The following DCHS2 variants were observed in gnomAD, a reference collection of about 807,000 sequenced individuals.
DCHS2 encodes the protein dachsous cadherin-related 2.
A neutral mutation model predicts 182.4 loss-of-function variants in DCHS2; 142 were observed. The observed-to-expected ratio is 0.78, with a 90% confidence interval of 0.68 to 0.89. The LOEUF (loss-of-function observed/expected upper bound fraction) is 0.89. Ranked by LOEUF, DCHS2 falls within the 40% of genes least tolerant of loss-of-function variation. The pLI is 0.00. For synonymous variants in DCHS2, 1,740 were observed against 1,663.3 expected, an observed-to-expected ratio of 1.05 and a Z score of -1.12; for missense variants, 4,319 against 4,198.6, an observed-to-expected ratio of 1.03 and a Z score of -0.79.
At chr4:154,331,507 A>G in intron 5 of DCHS2, 1 of 1,487,098 alleles carries the variant, frequency 6.7e-7, no homozygotes, top group South Asian at 1.3e-5. Flanking sequence ...AGTGAATGAG[A>G]GTGGAAAGGC....
At chr4:154,343,716 T>C in intron 3 of DCHS2, 1 of 1,315,378 alleles carries the variant, frequency 7.6e-7, no homozygotes, top group Middle Eastern at 2.1e-4. Flanking sequence ...GTGGCTGCTT[T>C]GATCTATCCA....
rs779768456 is a variant in DCHS2, at chr4:154,236,355, G to C, written c.8297C>G (p.Ala2766Gly). ...FVSVLDDNDH[A>G]PQFMFSSFSC... ...GAAGCTTGAGAACATAAACTGAGGT[G>C]CATGGTCGTTATCATCCAGGACACT... The change falls in exon 20 of 20, where the codon GCA becomes GGA. Residue 2766 changes from alanine to glycine, a missense_variant. Physicochemically the swap from Ala to Gly is moderately conservative, Grantham distance 60 (BLOSUM62 0). Transcript: ENST00000357232. 6.2e-7 allele frequency: 1 copy of C among 1,614,068 alleles called. No homozygotes were observed. Among genetic ancestry groups the C allele is most frequent in the Non-Finnish European group, 8.5e-7 (1 of 1,179,978 alleles).
chr4:154,250,755 G>A (rs1385809052), intron 16 of DCHS2, among the ~76,000 whole-genome samples: 1 of 152,102 alleles, frequency 6.6e-6, no homozygotes, highest in African/African-American at 2.4e-5. Flanking sequence ...TCAGCTTGTT[G>A]GCCTAAGCTA....
intron 1 of DCHS2, among the ~76,000 whole-genome samples, chr4:154,488,902 CTGTGTGTGTGTGTGTG>C (rs35075104): frequency 1.6e-5 from 1 of 62,254 alleles, no homozygotes; most frequent in African/African-American, 6.1e-5. Flanking sequence ...GTGTGTGTGT[CTGTGTGTGTGTGTGTG>C]TGTGTGTGTG....
At chr4:154,369,267 C>A (rs1371607599) in intron 2 of DCHS2, among the ~76,000 whole-genome samples, 1 of 152,152 alleles carries the variant, frequency 6.6e-6, no homozygotes, top group African/African-American at 2.4e-5. Context: ...GCTGAATTCA[C>A]CAAGTTAAGT....
At chr4:154,444,076 T>G (rs1167190950) in intron 1 of DCHS2, among the ~76,000 whole-genome samples, 1 of 152,144 alleles carries the variant, frequency 6.6e-6, no homozygotes, top group Non-Finnish European at 1.5e-5. Context: ...CCTTCTGTTT[T>G]GGGATGGACT....
chr4:154,391,460 G>C (rs1447827177), intron 1 of DCHS2, among the ~76,000 whole-genome samples: 1 of 152,162 alleles, frequency 6.6e-6, no homozygotes, highest in Non-Finnish European at 1.5e-5. Flanking sequence ...GAGAGTCACT[G>C]ATGCTGAGTT....
intron 1 of DCHS2, among the ~76,000 whole-genome samples, chr4:154,421,778 T>C (rs1348140649): frequency 6.6e-6 from 1 of 152,238 alleles, no homozygotes; most frequent in Non-Finnish European, 1.5e-5. Flanking sequence ...CCACAGCCTT[T>C]TCTCTCTCCA....
intron 18 of DCHS2, among the ~76,000 whole-genome samples, 154 bp from the exon 19 acceptor site, chr4:154,239,456 G>A (rs1472990469): frequency 6.6e-6 from 1 of 152,136 alleles, no homozygotes; most frequent in Non-Finnish European, 1.5e-5. Context: ...TATGGAATTG[G>A]CATATTAAAA....
intron 1 of DCHS2, among the ~76,000 whole-genome samples, chr4:154,410,915 G>A (rs1402472523): frequency 6.6e-6 from 1 of 152,162 alleles, no homozygotes; most frequent in Admixed American, 6.5e-5. Flanking sequence ...ATCCCCACTA[G>A]ACTACTAGTG....
At chr4:154,370,867 G>A (rs1730613279) in intron 2 of DCHS2, among the ~76,000 whole-genome samples, 1 of 152,194 alleles carries the variant, frequency 6.6e-6, no homozygotes, top group African/African-American at 2.4e-5. Context: ...AAACTAAAGG[G>A]AGTTTGCAAC....
chr4:154,401,327 T>A (rs1390272306), intron 1 of DCHS2, among the ~76,000 whole-genome samples: 1 of 152,184 alleles, frequency 6.6e-6, no homozygotes, highest in Non-Finnish European at 1.5e-5. Flanking sequence ...GAAGCTGCCA[T>A]GAATATTATC....
At chr4:154,455,385 A>T (rs1734720991) in intron 1 of DCHS2, among the ~76,000 whole-genome samples, 1 of 152,256 alleles carries the variant, frequency 6.6e-6, no homozygotes, top group African/African-American at 2.4e-5. Flanking sequence ...ATGGGAATGG[A>T]AAAATTAAAT....
intron 1 of DCHS2, among the ~76,000 whole-genome samples, chr4:154,464,767 G>A (rs1006270977): frequency 6.6e-6 from 1 of 152,180 alleles, no homozygotes; most frequent in Admixed American, 6.5e-5. Flanking sequence ...CCAGGCCACA[G>A]AGGTTGGTCT....
intron 3 of DCHS2, among the ~76,000 whole-genome samples, chr4:154,349,238 C>T (rs1222943332): frequency 1.3e-5 from 2 of 150,046 alleles, no homozygotes; most frequent in Non-Finnish European, 2.9e-5. Flanking sequence ...AGTCATTTCA[C>T]AGTTACTTTC....
intron 1 of DCHS2, among the ~76,000 whole-genome samples, chr4:154,448,122 CAT>C (rs1260787739): frequency 6.6e-6 from 1 of 152,148 alleles, no homozygotes; most frequent in Non-Finnish European, 1.5e-5. Flanking sequence ...CCTGCTTCCG[CAT>C]TCCCTCTTCC....
At chr4:154,434,245 C>T (rs546499337) in intron 1 of DCHS2, among the ~76,000 whole-genome samples, 3 of 152,176 alleles carry the variant, frequency 2.0e-5, no homozygotes, top group African/African-American at 7.2e-5. Context: ...TAGAGTAAGA[C>T]CCTGTCACTA....
intron 2 of DCHS2, among the ~76,000 whole-genome samples, chr4:154,376,574 C>T (rs775598044): frequency 1.3e-5 from 2 of 152,028 alleles, no homozygotes; most frequent in African/African-American, 2.4e-5. Context: ...TGAAGAATTC[C>T]AGATAATAAA....
In DCHS2 at chr4:154,315,988, C is replaced by T; in HGVS notation, c.5021-1G>A. The T allele has an allele frequency of 6.2e-7, 1 of 1,612,862 alleles. No homozygotes were observed. The highest frequency in any genetic ancestry group is 8.5e-7 in the Non-Finnish European group (1 of 1,179,088). On this transcript the variant is annotated splice_acceptor_variant, in intron 9 of 19. Transcript: ENST00000357232. LOFTEE classifies it high-confidence loss of function. ...AAAGGACAGGTTGTGGTTAGTAAGC[C>T]TGTTTTGAAAATGGAAGAAAAGCAA...
Sources: gnomAD v4.1 joint callset for allele counts (sites outside exome capture counted in the v4.1 genomes callset) on GRCh38, gnomAD v4.1.1 for gene constraint, MANE v1.5 for transcripts, NCBI Gene and HGNC (gene_info 2026-07-23, HGNC 2026-07-21) for gene names.